Variants in HERC1 observed in about 807,000 individuals in gnomAD.
HERC1 encodes HECT and RLD domain containing E3 ubiquitin protein ligase family member 1.
HERC1 carries 160 observed loss-of-function variants against 554.3 expected under a neutral mutation model. The observed-to-expected ratio is 0.29, with a 90% CI of 0.25 to 0.33. HERC1 has a LOEUF of 0.33. HERC1 is among the 10% of genes least tolerant of loss of function. HERC1 has a pLI of 1.00. For synonymous variants in HERC1, 2,175 were observed against 2,131.7 expected, an observed-to-expected ratio of 1.02 and a Z score of -0.56; for missense variants, 4,919 against 5,918.5, an observed-to-expected ratio of 0.83 and a Z score of 5.54.
chr15:63,760,268 A>C (rs2075564631), intron 3 of HERC1, among the ~76,000 whole-genome samples: 1 of 152,104 alleles, frequency 6.6e-6, no homozygotes, highest in African/African-American at 2.4e-5. Context: ...GGAGTTTAAA[A>C]AGCCATCTTA....
chr15:63,627,209 T>C (rs1365067833), intron 70 of HERC1, among the ~76,000 whole-genome samples: 1 of 152,156 alleles, frequency 6.6e-6, no homozygotes, highest in African/African-American at 2.4e-5. Context: ...CTTTTCTCTC[T>C]TAGATATCTA....
chr15:63,679,161 C>A (rs183605355), intron 36 of HERC1, among the ~76,000 whole-genome samples: 1 of 152,204 alleles, frequency 6.6e-6, no homozygotes, highest in Non-Finnish European at 1.5e-5. Flanking sequence ...AAGCACCAGG[C>A]CATCATTCGA....
At chr15:63,709,063 C>T (rs1439350091) in intron 24 of HERC1, among the ~76,000 whole-genome samples, 1 of 152,220 alleles carries the variant, frequency 6.6e-6, no homozygotes, top group Admixed American at 6.5e-5. Flanking sequence ...CATCTCGGCT[C>T]ACTATAACCT....
intron 61 of HERC1, among the ~76,000 whole-genome samples, chr15:63,639,359 G>A (rs973561796): frequency 5.3e-5 from 8 of 152,136 alleles, no homozygotes; most frequent in African/African-American, 9.7e-5. Context: ...GTCATATTCT[G>A]TACAGGTTTG....
intron 44 of HERC1, 124 bp from the exon 45 acceptor site, chr15:63,662,145 A>C (rs1485321911): frequency 1.9e-6 from 2 of 1,044,758 alleles, no homozygotes; most frequent in Admixed American, 2.9e-5. Context: ...CATGTTCATT[A>C]ATGCTAAATA....
intron 1 of HERC1, among the ~76,000 whole-genome samples, chr15:63,825,322 A>G (rs1290846496): frequency 6.6e-6 from 1 of 152,186 alleles, no homozygotes; most frequent in Non-Finnish European, 1.5e-5. Flanking sequence ...AGTTAGCAAG[A>G]GCAATATAAT....
At chr15:63,769,812 T>C (rs1191800314) in intron 2 of HERC1, among the ~76,000 whole-genome samples, 1 of 152,148 alleles carries the variant, frequency 6.6e-6, no homozygotes, top group Non-Finnish European at 1.5e-5. Flanking sequence ...GCCAAGATTA[T>C]GCCACTGCAC....
chr15:63,658,517 C>T, intron 48 of HERC1, 27 bp downstream of exon 48: 1 of 1,584,928 alleles, frequency 6.3e-7, no homozygotes, highest in Non-Finnish European at 8.6e-7. Context: ...GTTAACTTAG[C>T]ATCATGTGAC....
intron 44 of HERC1, 92 bp from the exon 45 acceptor site, chr15:63,662,113 A>T (rs1007778377): frequency 4.8e-6 from 6 of 1,254,660 alleles, no homozygotes; most frequent in Non-Finnish European, 4.3e-6. Flanking sequence ...TTACTTTATT[A>T]CATATGCTAG....
At chr15:63,644,400 A>C (rs113523730) in intron 57 of HERC1, among the ~76,000 whole-genome samples, 5,459 of 152,296 alleles carry the variant, frequency 0.036, 113 homozygotes, top group Middle Eastern at 0.099. Flanking sequence ...GATTCTTAGC[A>C]TCTATAGAAA....
intron 5 of HERC1, among the ~76,000 whole-genome samples, chr15:63,755,884 T>C (rs989013506): frequency 6.6e-6 from 1 of 152,184 alleles, no homozygotes; most frequent in Non-Finnish European, 1.5e-5. Context: ...TGTGGGTCCT[T>C]GGCAATTACT....
chr15:63,722,288 G>A (rs1252335673), intron 19 of HERC1, among the ~76,000 whole-genome samples: 1 of 152,172 alleles, frequency 6.6e-6, no homozygotes, highest in Non-Finnish European at 1.5e-5. Context: ...CAGCACTCTA[G>A]AGTAGGCAAA....
intron 3 of HERC1, among the ~76,000 whole-genome samples, chr15:63,762,451 G>A (rs966356414): frequency 1.4e-4 from 22 of 152,198 alleles, no homozygotes; most frequent in African/African-American, 5.1e-4. Context: ...AGCCTCCTGA[G>A]TAGCTGGGAT....
chr15:63,759,180 G>C (rs144629848), intron 3 of HERC1, among the ~76,000 whole-genome samples: 2,060 of 152,208 alleles, frequency 0.014, 23 homozygotes, highest in East Asian at 0.027. Context: ...AGAATCCTAT[G>C]ATTCTTGAAA....
chr15:63,617,116 C>T (rs1395711837), intron 74 of HERC1, among the ~76,000 whole-genome samples: 1 of 151,910 alleles, frequency 6.6e-6, no homozygotes, highest in Non-Finnish European at 1.5e-5. Flanking sequence ...CCCATTAACT[C>T]TTCATTTAAC....
chr15:63,630,234 A>C (rs901630593), intron 69 of HERC1, among the ~76,000 whole-genome samples: 5 of 152,112 alleles, frequency 3.3e-5, no homozygotes, highest in African/African-American at 1.2e-4. Context: ...AATCCCCTTA[A>C]TCACTTTGCT....
chr15:63,640,120 C>G, intron 61 of HERC1, 32 bp downstream of exon 61: 2 of 1,600,512 alleles, frequency 1.2e-6, no homozygotes, highest in South Asian at 2.2e-5. Flanking sequence ...AAAATCTCAG[C>G]TGCAAATAAT....
At position 63,713,627 on chromosome 15, in the gene HERC1, G is replaced by GAT; in HGVS notation, c.4188_4189insAT (p.Arg1397IlefsTer9). ...TTCATTCTATCTCGGTCTCGGCTACGAGCTACTTCACGGGCTGAGAGGAAA... is the reference window on the plus strand; with the variant it reads ...TTCATTCTATCTCGGTCTCGGCTACGATAGCTACTTCACGGGCTGAGAGGAAA... On this transcript the variant is annotated frameshift_variant, in exon 23 of 78. Transcript: ENST00000443617. LOFTEE classifies it high-confidence loss of function. 1 of 1,612,582 alleles carries GAT rather than the reference G, an allele frequency of 6.2e-7. No homozygotes were observed. Among genetic ancestry groups the GAT allele is most frequent in the Admixed American group, 1.7e-5 (1 of 59,794 alleles).
chr15:63,677,615 A>G lies in HERC1; in HGVS notation c.7070+230T>C, dbSNP rs1259244014. Among the ~76,000 whole-genome samples the G allele has an allele frequency of 6.6e-6, 1 of 152,234 alleles. No homozygotes were observed. The highest frequency in any genetic ancestry group is 1.5e-5 in the Non-Finnish European group (1 of 68,036). ...CTTACCATTTTTTCCCCAAAACAAA[A>G]CAGAACAAAAAGACTATGTATTTTT... is the stretch of plus-strand genomic sequence containing the variant. On this transcript the variant is annotated intron_variant, in intron 37 of 77. Coordinates refer to ENST00000443617, the MANE Select transcript of HERC1 (RefSeq NM_003922.4). The surrounding 1 kb of genome is among the most constrained non-coding windows in gnomAD (Gnocchi z 4.4).
Sources: allele counts gnomAD v4.1 joint callset (sites outside exome capture counted in the v4.1 genomes callset), GRCh38; gene constraint gnomAD v4.1.1; non-coding constraint Gnocchi (gnomAD v3.1); transcripts MANE v1.5; gene names NCBI Gene and HGNC (gene_info 2026-07-23, HGNC 2026-07-21).